Variants in PTPRR observed in about 807,000 individuals in gnomAD.
The protein encoded by PTPRR is protein tyrosine phosphatase receptor type R, also known as receptor-type tyrosine-protein phosphatase R.
A neutral mutation model predicts 77.2 loss-of-function variants in PTPRR; 38 were observed. The observed-to-expected ratio is 0.49, with a 90% confidence interval of 0.38 to 0.65. The LOEUF (loss-of-function observed/expected upper bound fraction) is 0.65. Among genes scored for constraint, PTPRR ranks in the 30% least tolerant of loss-of-function variants. PTPRR has a pLI of 0.00. For missense variants in PTPRR, 744 were observed against 799.2 expected (o/e 0.93, Z 0.83); for synonymous variants, 299 against 283.1 (o/e 1.06, Z -0.57).
chr12:70,663,730 T>G (rs1886878709), intron 10 of PTPRR, among the ~76,000 whole-genome samples: 1 of 152,216 alleles, frequency 6.6e-6, no homozygotes, highest in Non-Finnish European at 1.5e-5. Flanking sequence ...TTGAGTGCTC[T>G]TGGAAGCAAT....
chr12:70,763,037 C>T (rs1021456973), intron 3 of PTPRR, among the ~76,000 whole-genome samples: 2 of 151,676 alleles, frequency 1.3e-5, no homozygotes, highest in African/African-American at 4.8e-5. Flanking sequence ...CTCTATATAT[C>T]TTAGCAAAAT....
intron 6 of PTPRR, among the ~76,000 whole-genome samples, chr12:70,736,999 C>T (rs1209218491): frequency 2.0e-5 from 3 of 152,192 alleles, no homozygotes; most frequent in African/African-American, 4.8e-5. Flanking sequence ...CTCTCCTGCC[C>T]CACTGCTGGG....
chr12:70,671,733 A>G (rs562692064), intron 10 of PTPRR, among the ~76,000 whole-genome samples: 10 of 152,338 alleles, frequency 6.6e-5, no homozygotes, highest in African/African-American at 2.4e-4. Context: ...CTGAATGGAG[A>G]GCTCTGAGCA....
chr12:70,741,077 C>T (rs549954053), intron 6 of PTPRR, among the ~76,000 whole-genome samples: 2 of 152,088 alleles, frequency 1.3e-5, no homozygotes, highest in Non-Finnish European at 2.9e-5. Flanking sequence ...GTGGAATAAG[C>T]AAAGTGTTTC....
At chr12:70,776,539 C>T (rs1160980333) in intron 2 of PTPRR, among the ~76,000 whole-genome samples, 1 of 152,114 alleles carries the variant, frequency 6.6e-6, no homozygotes, top group African/African-American at 2.4e-5. Flanking sequence ...ACCAAATTTG[C>T]CCTGTCCTTC....
chr12:70,871,812 A>T (rs910460409), intron 2 of PTPRR, among the ~76,000 whole-genome samples: 4 of 152,196 alleles, frequency 2.6e-5, no homozygotes, highest in African/African-American at 9.6e-5. Context: ...GTTCTCTGAT[A>T]GTGAAATTTT....
chr12:70,761,159 G>A (rs1376943730), intron 4 of PTPRR, among the ~76,000 whole-genome samples: 12 of 152,176 alleles, frequency 7.9e-5, no homozygotes, highest in Middle Eastern at 3.4e-3. Context: ...AGTTTCAAGC[G>A]ATCAATTGAC....
At chr12:70,906,450 T>A (rs147540085) in intron 1 of PTPRR, among the ~76,000 whole-genome samples, 52 of 152,098 alleles carry the variant, frequency 3.4e-4, no homozygotes, top group Admixed American at 3.3e-3. Flanking sequence ...ATATTAAATC[T>A]ATTATTTAGT....
chr12:70,899,117 C>T (rs1893485946), intron 1 of PTPRR, among the ~76,000 whole-genome samples: 2 of 151,290 alleles, frequency 1.3e-5, no homozygotes, highest in South Asian at 4.1e-4. Context: ...GACCAAATGG[C>T]ATAATTGAAA....
At chr12:70,719,469 C>G (rs1028170424) in intron 6 of PTPRR, among the ~76,000 whole-genome samples, 1 of 151,810 alleles carries the variant, frequency 6.6e-6, no homozygotes, top group Non-Finnish European at 1.5e-5. Flanking sequence ...TTGACAACCC[C>G]TTGACTAAAT....
At chr12:70,705,513 A>G (rs1303794916) in intron 6 of PTPRR, among the ~76,000 whole-genome samples, 1 of 151,848 alleles carries the variant, frequency 6.6e-6, no homozygotes, top group Non-Finnish European at 1.5e-5. Flanking sequence ...TGGAAATGGA[A>G]GAGGACAAAA....
intron 1 of PTPRR, among the ~76,000 whole-genome samples, chr12:70,894,143 C>A (rs902625933): frequency 6.6e-6 from 1 of 151,882 alleles, no homozygotes; most frequent in Non-Finnish European, 1.5e-5. Flanking sequence ...GTAACAAGTG[C>A]TGTCCTTAGA....
At chr12:70,889,849 G>A (rs911716378) in intron 2 of PTPRR, among the ~76,000 whole-genome samples, 4 of 151,822 alleles carry the variant, frequency 2.6e-5, no homozygotes, top group Non-Finnish European at 1.5e-5. Flanking sequence ...CCATCTCACA[G>A]AGTAAATCAT....
At chr12:70,865,159 A>G (rs1477121977) in intron 2 of PTPRR, among the ~76,000 whole-genome samples, 1 of 151,656 alleles carries the variant, frequency 6.6e-6, no homozygotes, top group Non-Finnish European at 1.5e-5. Context: ...TTTGGCCCTC[A>G]TTTCTCTCTT....
At chr12:70,753,793 C>T (rs1890477859) in intron 5 of PTPRR, among the ~76,000 whole-genome samples, 2 of 152,098 alleles carry the variant, frequency 1.3e-5, no homozygotes, top group South Asian at 2.1e-4. Flanking sequence ...AATCTTGTCT[C>T]AAAGACATAT....
chr12:70,692,868 C>T lies in PTPRR; in HGVS notation c.1279+5397G>A, dbSNP rs1276745175. ...AAGTGCTTAAATTTCTGCCTGCCCT[C>T]AATGGAGTGTGGTGAGCCCCTAGAG... is the stretch of plus-strand genomic sequence containing the variant. On this transcript the variant is annotated intron_variant, in intron 8 of 13. Coordinates refer to ENST00000283228, the MANE Select transcript of PTPRR (RefSeq NM_002849.4). Among the ~76,000 whole-genome samples, 3 of 152,110 alleles carry T rather than the reference C, an allele frequency of 2.0e-5. No individual in the cohort carries two copies. In the East Asian group the frequency reaches 5.8e-4, roughly 29 times the overall value.
chr12:70,714,008 G>A (rs1367406616), intron 6 of PTPRR, among the ~76,000 whole-genome samples: 3 of 152,090 alleles, frequency 2.0e-5, no homozygotes, highest in African/African-American at 7.2e-5. Context: ...TCCTAATGTA[G>A]TAGGTCTTAT....
At chr12:70,713,247 C>A (rs1888897472) in intron 6 of PTPRR, among the ~76,000 whole-genome samples, 1 of 152,138 alleles carries the variant, frequency 6.6e-6, no homozygotes, top group Non-Finnish European at 1.5e-5. Flanking sequence ...TTTCATGGCA[C>A]AATATAGTCC....
intron 2 of PTPRR, among the ~76,000 whole-genome samples, chr12:70,877,096 C>T (rs1440938002): frequency 6.6e-6 from 1 of 152,130 alleles, no homozygotes; most frequent in African/African-American, 2.4e-5. Flanking sequence ...GAGGAACTGA[C>T]GTGCCAGTTG....
Sources: allele counts gnomAD v4.1 joint callset (sites outside exome capture counted in the v4.1 genomes callset), GRCh38; gene constraint gnomAD v4.1.1; transcripts MANE v1.5; gene names NCBI Gene and HGNC (gene_info 2026-07-23, HGNC 2026-07-21).